EHD4: variants seen among roughly 807,000 people sequenced by gnomAD.
EHD4 encodes EH domain-containing protein 4.
A neutral mutation model predicts 51.0 loss-of-function variants in EHD4; 37 were observed. That is an observed-to-expected ratio of 0.73 (90% CI 0.56 to 0.95). The LOEUF (loss-of-function observed/expected upper bound fraction) is 0.95, where lower values mean the gene tolerates loss of function less well. EHD4 is among the 40% of genes least tolerant of loss of function. The probability of loss-of-function intolerance (pLI) is 0.00; values close to 1 mark genes in which losing one functional copy is unlikely to be tolerated. For missense variants in EHD4, 632 were observed against 733.1 expected (o/e 0.86, Z 1.59); for synonymous variants, 297 against 317.3 (o/e 0.94, Z 0.68).
chr15:41,967,517 TAGAG>T (rs1345466435), intron 1 of EHD4, among the ~76,000 whole-genome samples: 1 of 152,258 alleles, frequency 6.6e-6, no homozygotes, highest in African/African-American at 2.4e-5. Context: ...CTCAATATTT[TAGAG>T]AGATCTGTAA....
intron 3 of EHD4, among the ~76,000 whole-genome samples, chr15:41,938,207 A>G (rs575658088): frequency 1.8e-4 from 28 of 152,212 alleles, no homozygotes; most frequent in Non-Finnish European, 3.2e-4. Context: ...TTCAACCTGT[A>G]TTGTGTTTGA....
intron 2 of EHD4, among the ~76,000 whole-genome samples, chr15:41,948,233 A>G (rs2067828257): frequency 6.6e-6 from 1 of 152,022 alleles, no homozygotes; most frequent in Non-Finnish European, 1.5e-5. Context: ...AGCATAGGTG[A>G]TGGAGCAAGA....
chr15:41,901,279 C>T (rs999173205), intron 5 of EHD4, 98 bp from the exon 6 acceptor site: 382 of 1,318,406 alleles, frequency 2.9e-4, no homozygotes, highest in Non-Finnish European at 3.8e-4. Flanking sequence ...CCCAGGCAGA[C>T]GTCCCACCCA....
Position 41,972,521 on chromosome 15 carries a change from G to A in EHD4, c.-27C>T. On this transcript the variant is annotated 5_prime_UTR_variant, in exon 1 of 6. Coordinates refer to ENST00000220325, the MANE Select transcript of EHD4 (RefSeq NM_139265.4). ...CTGCCGCCAGTCCACGCTCGGATGG[G>A]ACCCTGCTCCGGGTTCGACTCTCCC... The A allele has an allele frequency of 1.4e-6, 2 of 1,469,882 alleles. No individual in the cohort carries two copies. The highest frequency in any genetic ancestry group is 2.7e-5 in the South Asian group (2 of 73,172). 91.1% of individuals were successfully genotyped at this position (1,469,882 alleles called of 1,614,324 possible).
intron 5 of EHD4, among the ~76,000 whole-genome samples, chr15:41,905,744 C>T (rs2067508177): frequency 6.6e-6 from 1 of 152,210 alleles, no homozygotes; most frequent in Non-Finnish European, 1.5e-5. Context: ...GATCATGGCT[C>T]ATAGCAGCCT....
chr15:41,914,589 A>T (rs74654501), intron 4 of EHD4, among the ~76,000 whole-genome samples: 3 of 152,146 alleles, frequency 2.0e-5, no homozygotes, highest in Admixed American at 6.5e-5. Context: ...TCAAAGAGAC[A>T]GGCTTCCATT....
rs1337893025 is a variant in EHD4, at chr15:41,897,268, A to G, written c.*3377T>C. ...AAACACTTTCCTCATCTTCAAGGCAATTGTCTCAGGCATCCTCCAGGCATC... is the reference window on the plus strand; with the variant it reads ...AAACACTTTCCTCATCTTCAAGGCAGTTGTCTCAGGCATCCTCCAGGCATC... On this transcript the variant is annotated 3_prime_UTR_variant, in exon 6 of 6. Transcript: ENST00000220325. The G allele has an allele frequency of 6.6e-6, 1 of 152,166 alleles. No individual in the cohort carries two copies. The highest frequency in any genetic ancestry group is 2.4e-5 in the African/African-American group (1 of 41,414). The allele number at this position is 152,166 out of a possible 1,614,324, so 9.4% of individuals were successfully genotyped here. A position where few individuals can be genotyped will look rare whatever the true frequency, so the allele number is the denominator to read the frequency against.
chr15:41,949,374 A>T (rs1007202843), intron 2 of EHD4, among the ~76,000 whole-genome samples: 1 of 152,056 alleles, frequency 6.6e-6, no homozygotes. Context: ...CATCTCAAAA[A>T]AATAATAATA....
intron 4 of EHD4, among the ~76,000 whole-genome samples, chr15:41,914,785 A>ATT (rs10713712): frequency 4.0e-5 from 5 of 126,526 alleles, no homozygotes; most frequent in African/African-American, 1.4e-4. Context: ...TTACAGGAGA[A>ATT]TTTTTTTTTT....
In EHD4 at chr15:41,927,018, CA is replaced by C. The variant is rs150112023; in HGVS notation, c.512-7397del. Among the ~76,000 whole-genome samples, 1,176 of 152,334 alleles carry C rather than the reference CA, an allele frequency of 7.7e-3. 17 individuals are homozygous for C. The highest frequency in any genetic ancestry group is 0.026 in the African/African-American group (1,094 of 41,566). Reference sequence around the variant, plus strand: ...CCAAGTCTTCACTGTGTCTGTAACCCAAAGGCCCACTGCAGATGCCTTACAC... The same window carrying C: ...CCAAGTCTTCACTGTGTCTGTAACCCAAGGCCCACTGCAGATGCCTTACAC... On this transcript the variant is annotated intron_variant, in intron 3 of 5. Transcript: ENST00000220325.
At chr15:41,909,659 T>C (rs2067535551) in intron 5 of EHD4, 40 bp downstream of exon 5, 1 of 1,610,954 alleles carries the variant, frequency 6.2e-7, no homozygotes, top group Admixed American at 1.7e-5. Context: ...GCACTGCACC[T>C]CTGCCCTCTG....
At position 41,901,143 on chromosome 15, in the gene EHD4, C is replaced by A. The variant is rs143862687; in HGVS notation, c.1128G>T (p.Ser376=). ...CTGCCTCGATCAGCTTGGGCTTCAG[C>A]GAGTGGAATTTGGTGAAGTCATAGT... is the stretch of plus-strand genomic sequence containing the variant. ...LENYDFTKFH[S]LKPKLIEAVD... The change falls in exon 6 of 6, where the codon TCG becomes TCT. Residue 376 remains serine (S), a synonymous_variant. Transcript: ENST00000220325. The A allele has an allele frequency of 6.4e-7, 1 of 1,572,112 alleles. No individual in the cohort carries two copies.
chr15:41,957,045 G>T (rs1252255215), intron 1 of EHD4, among the ~76,000 whole-genome samples: 4 of 152,202 alleles, frequency 2.6e-5, no homozygotes, highest in East Asian at 3.8e-4. Context: ...TAAAATGGGG[G>T]TCTTGCTGGG....
intron 2 of EHD4, among the ~76,000 whole-genome samples, chr15:41,948,819 A>G (rs193152230): frequency 6.6e-6 from 1 of 151,962 alleles, no homozygotes; most frequent in Non-Finnish European, 1.5e-5. Flanking sequence ...GCTTGGGCCC[A>G]GGAGTTCAAG....
chr15:41,915,895 G>GA (rs1362537480), intron 4 of EHD4, among the ~76,000 whole-genome samples: 2 of 152,104 alleles, frequency 1.3e-5, no homozygotes, highest in East Asian at 1.9e-4. Context: ...ACAGAGATGT[G>GA]AAAAAAATAT....
At chr15:41,932,515 C>A (rs923657918) in intron 3 of EHD4, among the ~76,000 whole-genome samples, 1 of 152,200 alleles carries the variant, frequency 6.6e-6, no homozygotes, top group African/African-American at 2.4e-5. Context: ...TGGATTCCAA[C>A]AGGAGGCAAT....
rs546233298 is a variant in EHD4, at chr15:41,972,092, G to C, written c.236+167C>G. On this transcript the variant is annotated intron_variant, in intron 1 of 5. Coordinates refer to ENST00000220325, the MANE Select transcript of EHD4 (RefSeq NM_139265.4). ...GGGTTCGCGGGACCCTCCAGCGCGC[G>C]GGGCTGGCCAGCCGGGGCGGGGCCG... Among the ~76,000 whole-genome samples the C allele has an allele frequency of 1.4e-3, 210 of 151,900 alleles. 2 individuals carry two copies. Among genetic ancestry groups the C allele is most frequent in the African/African-American group, 4.8e-3 (200 of 41,516 alleles).
intron 3 of EHD4, among the ~76,000 whole-genome samples, chr15:41,939,264 A>C (rs2067751129): frequency 6.6e-6 from 1 of 152,244 alleles, no homozygotes; most frequent in South Asian, 2.1e-4. Context: ...TTAGGAAGCT[A>C]TTACTTGATC....
intron 1 of EHD4, among the ~76,000 whole-genome samples, chr15:41,971,781 G>A (rs72726037): frequency 0.096 from 14,636 of 152,228 alleles, 845 homozygotes; most frequent in South Asian, 0.26. Flanking sequence ...CTCAAGGGAA[G>A]GGGGCCTGGG....
Sources: allele counts gnomAD v4.1 joint callset (sites outside exome capture counted in the v4.1 genomes callset), GRCh38; gene constraint gnomAD v4.1.1; transcripts MANE v1.5; gene names NCBI Gene and HGNC (gene_info 2026-07-23, HGNC 2026-07-21).